The following MMS22L variants were observed in gnomAD, a reference collection of about 807,000 sequenced individuals.
MMS22L encodes the protein MMS22 like, DNA repair protein, also known as protein MMS22-like.
MMS22L carries 74 observed loss-of-function variants against 159.1 expected under a neutral mutation model. The ratio of observed to expected loss-of-function variants is 0.47; its 90% CI spans 0.39 to 0.56. MMS22L has a LOEUF of 0.56. MMS22L is among the 20% of genes least tolerant of loss of function. MMS22L has a pLI of 0.00. For synonymous variants in MMS22L, 517 were observed against 506.9 expected (o/e 1.02, Z -0.27); for missense variants, 1,351 against 1,422.1 (o/e 0.95, Z 0.80).
rs553202966 is a variant in MMS22L at position 97,246,135 on chromosome 6, A to G, written c.1182+493T>C. ...GGAGGTCAAGTCTGACCTCTAGGCC[A>G]TGAAGCACTACATTAACAGCTCTGC... On this transcript the variant is annotated intron_variant, in intron 11 of 24. Coordinates refer to ENST00000683635, the MANE Select transcript of MMS22L (RefSeq NM_001350599.2). 1.1e-4 allele frequency: 51 copies of G among 453,138 alleles called. 1 individual carries two copies. The East Asian group carries it at 3.4e-3, about 30-fold the overall frequency. The allele number at this position is 453,138 out of a possible 1,614,324, so 28.1% of individuals were successfully genotyped here.
Position 97,267,934 on chromosome 6 carries a change from C to T in MMS22L, c.766G>A (p.Glu256Lys). ...CAAAGGAGAGTTTCACAATGTTCTT[C>T]AAATAGGCTGATGTTGGTTAAATTG... is the stretch of plus-strand genomic sequence containing the variant. ...SDNLTNISLFEEHCETLLCDL... is the reference protein window; with the variant it reads ...SDNLTNISLFKEHCETLLCDL... Residue 256 changes from glutamate (E) to lysine (K), a missense_variant, in exon 8 of 25, where the codon GAA becomes AAA. Transcript: ENST00000683635. 6.2e-7 allele frequency: 1 copy of T among 1,609,666 alleles called. No individual in the cohort carries two copies. The highest frequency in any genetic ancestry group is 8.5e-7 in the Non-Finnish European group (1 of 1,178,500).
At chr6:97,159,756 T>C (rs1343088760) in intron 22 of MMS22L, among the ~76,000 whole-genome samples, 1 of 151,918 alleles carries the variant, frequency 6.6e-6, no homozygotes, top group African/African-American at 2.4e-5. Context: ...ACCTTCAGGC[T>C]ACATGTTTAA....
rs181783180 is a variant in MMS22L, at chr6:97,224,568, A to C, written c.2039+4326T>G. Among the ~76,000 whole-genome samples the C allele has an allele frequency of 2.0e-5, 3 of 151,890 alleles. No homozygotes were observed. The East Asian group carries it at 5.8e-4, about 29-fold the overall frequency. On this transcript the variant is annotated intron_variant, in intron 14 of 24. Coordinates refer to ENST00000683635, the MANE Select transcript of MMS22L (RefSeq NM_001350599.2). ...TTTTCCAACTGACTCATTTAAAAAA[A>C]AAAAAAACTTACAAAATAAAAAGAA...
intron 14 of MMS22L, among the ~76,000 whole-genome samples, chr6:97,209,516 AC>A (rs1250760679): frequency 2.0e-5 from 3 of 151,800 alleles, no homozygotes; most frequent in Non-Finnish European, 2.9e-5. Context: ...TACAATTACA[AC>A]CAATTTATTA....
At chr6:97,280,427 G>A (rs934223123) in intron 3 of MMS22L, among the ~76,000 whole-genome samples, 1 of 151,994 alleles carries the variant, frequency 6.6e-6, no homozygotes, top group African/African-American at 2.4e-5. Flanking sequence ...CCGCCTCCTG[G>A]GTTCAAGCAG....
At chr6:97,277,779 T>G (rs1020375971) in intron 4 of MMS22L, among the ~76,000 whole-genome samples, 1 of 152,088 alleles carries the variant, frequency 6.6e-6, no homozygotes, top group Non-Finnish European at 1.5e-5. Flanking sequence ...CCCAAACATA[T>G]CACAAGTCCC....
chr6:97,200,151 G>A (rs1322827153), intron 14 of MMS22L, among the ~76,000 whole-genome samples: 5 of 152,074 alleles, frequency 3.3e-5, no homozygotes, highest in Admixed American at 1.3e-4. Context: ...AAAAAGCAGT[G>A]ACTAATACAT....
chr6:97,281,405 T>C, intron 2 of MMS22L, 43 bp from the exon 3 acceptor site: 1 of 1,475,232 alleles, frequency 6.8e-7, no homozygotes, highest in Non-Finnish European at 9.2e-7. Flanking sequence ...GTATACTAAG[T>C]ACCATAATAC....
At chr6:97,239,467 T>C (rs1811819026) in intron 11 of MMS22L, among the ~76,000 whole-genome samples, 1 of 152,196 alleles carries the variant, frequency 6.6e-6, no homozygotes, top group African/African-American at 2.4e-5. Context: ...CATTCACAAA[T>C]ATTAAATAGG....
At position 97,153,221 on chromosome 6, in the gene MMS22L, G is replaced by A. The variant is rs114450758; in HGVS notation, c.3386-1354C>T. Among the ~76,000 whole-genome samples, 680 of 151,906 alleles carry A rather than the reference G, an allele frequency of 4.5e-3. 4 individuals carry two copies. The highest frequency in any genetic ancestry group is 0.015 in the African/African-American group (630 of 41,406). ...TTTACCCATTTAAAGTATACTGTTC[G>A]ATGGCTTTTAGTATATTCAGAGTTG... On this transcript the variant is annotated intron_variant, in intron 22 of 24. Coordinates refer to ENST00000683635, the MANE Select transcript of MMS22L (RefSeq NM_001350599.2).
intron 11 of MMS22L, among the ~76,000 whole-genome samples, chr6:97,237,690 T>C (rs1811563964): frequency 6.6e-6 from 1 of 152,182 alleles, no homozygotes; most frequent in Non-Finnish European, 1.5e-5. Context: ...TCCCAACAAG[T>C]AGAGTTATGG....
chr6:97,171,726 T>C (rs1455060640), intron 19 of MMS22L, among the ~76,000 whole-genome samples: 1 of 152,162 alleles, frequency 6.6e-6, no homozygotes, highest in African/African-American at 2.4e-5. Context: ...TTAGGAACTG[T>C]CAAGGTAAAT....
At chr6:97,255,042 C>T (rs1224866238) in intron 9 of MMS22L, among the ~76,000 whole-genome samples, 1 of 151,874 alleles carries the variant, frequency 6.6e-6, no homozygotes, top group Non-Finnish European at 1.5e-5. Context: ...TGTGTGGCTT[C>T]ATCTGTATTT....
chr6:97,149,210 C>G (rs1458894407), intron 24 of MMS22L, among the ~76,000 whole-genome samples: 3 of 152,134 alleles, frequency 2.0e-5, no homozygotes, highest in African/African-American at 7.2e-5. Flanking sequence ...CAACACATAA[C>G]TGTATTTTGA....
At chr6:97,276,634 TTA>T (rs1208149069) in intron 4 of MMS22L, among the ~76,000 whole-genome samples, 3 of 152,250 alleles carry the variant, frequency 2.0e-5, no homozygotes, top group Non-Finnish European at 4.4e-5. Flanking sequence ...CTCTAAACTT[TTA>T]TGTTTTTACA....
intron 9 of MMS22L, 149 bp downstream of exon 9, chr6:97,263,185 TA>T (rs1328378984): frequency 1.9e-4 from 104 of 539,368 alleles, no homozygotes; most frequent in Admixed American, 1.2e-4. Context: ...AAAAATAAAG[TA>T]GATATTCAGT....
intron 11 of MMS22L, among the ~76,000 whole-genome samples, chr6:97,234,507 G>A (rs1437180495): frequency 6.6e-6 from 1 of 152,086 alleles, no homozygotes; most frequent in African/African-American, 2.4e-5. Context: ...TTTCTATGAC[G>A]ATATAACCAT....
At position 97,282,438 on chromosome 6, in the gene MMS22L, T is replaced by C; in HGVS notation, c.40A>G (p.Ser14Gly). 1.9e-6 allele frequency: 3 copies of C among 1,613,968 alleles called. No homozygotes were observed. The highest frequency in any genetic ancestry group is 2.5e-6 in the Non-Finnish European group (3 of 1,179,980). ...CSAASTFLTD[S>G]LELELGTEWC... ...TCCGTCCCCAGCTCCAGCTCTAAGC[T>C]GTCAGTCAGGAACGTCGATGCAGCA... Residue 14 changes from serine (S) to glycine (G), a missense_variant, in exon 2 of 25, where the codon AGC becomes GGC. Coordinates refer to ENST00000683635, the MANE Select transcript of MMS22L (RefSeq NM_001350599.2).
intron 14 of MMS22L, among the ~76,000 whole-genome samples, chr6:97,196,360 C>T (rs1806504469): frequency 6.6e-6 from 1 of 151,946 alleles, no homozygotes; most frequent in Non-Finnish European, 1.5e-5. Context: ...ATGAGTAAAG[C>T]ATAGTGACAT....
Sources: allele counts gnomAD v4.1 joint callset (sites outside exome capture counted in the v4.1 genomes callset), GRCh38; gene constraint gnomAD v4.1.1; transcripts MANE v1.5; gene names NCBI Gene and HGNC (gene_info 2026-07-23, HGNC 2026-07-21).